The following CLDN10 variants were observed in gnomAD, a reference collection of about 807,000 sequenced individuals.
CLDN10 encodes claudin-10.
A neutral mutation model predicts 22.9 loss-of-function variants in CLDN10; 15 were observed. The ratio of observed to expected loss-of-function variants is 0.65; its 90% confidence interval spans 0.44 to 1.01. The LOEUF is 1.01. Ranked by LOEUF, CLDN10 falls within the 50% of genes least tolerant of loss-of-function variation. CLDN10 has a pLI of 0.00. For synonymous variants in CLDN10, 114 were observed against 111.4 expected (o/e 1.02, Z -0.15); for missense variants, 247 against 287.8 (o/e 0.86, Z 1.03).
At chr13:95,551,281 T>C (rs904211062), upstream of CLDN10, among the ~76,000 whole-genome samples, 2 of 152,194 alleles carry the variant, frequency 1.3e-5, no homozygotes, top group African/African-American at 4.8e-5. Flanking sequence ...TTTAAAGGGC[T>C]GTCAAAACAA....
chr13:95,448,921 T>C (rs972053366), intron 1 of CLDN10, among the ~76,000 whole-genome samples: 2 of 151,784 alleles, frequency 1.3e-5, no homozygotes. Flanking sequence ...GTATTTTTAC[T>C]ACAGATGGGG....
intron 1 of CLDN10, among the ~76,000 whole-genome samples, chr13:95,467,649 G>A (rs750185628): frequency 2.6e-5 from 4 of 152,044 alleles, no homozygotes; most frequent in Non-Finnish European, 4.4e-5. Context: ...TTTCTCCAGA[G>A]AAACAGAATC....
intron 1 of CLDN10, among the ~76,000 whole-genome samples, chr13:95,469,495 G>C (rs1382749377): frequency 6.6e-6 from 1 of 152,216 alleles, no homozygotes; most frequent in Non-Finnish European, 1.5e-5. Flanking sequence ...GAGGGTTACA[G>C]TGGTACTGAA....
At chr13:95,562,464 A>G (rs1413529826) in intron 3 of CLDN10, among the ~76,000 whole-genome samples, 3 of 152,300 alleles carry the variant, frequency 2.0e-5, no homozygotes, top group African/African-American at 7.2e-5. Flanking sequence ...AGACCTCAAT[A>G]TAACTTTTTT....
intron 1 of CLDN10, among the ~76,000 whole-genome samples, chr13:95,443,481 G>C (rs371185623): frequency 6.6e-6 from 1 of 152,302 alleles, no homozygotes; most frequent in Non-Finnish European, 1.5e-5. Context: ...CGTCGATCCC[G>C]AGAAGCGGGA....
chr13:95,464,333 T>C (rs1436545869), intron 1 of CLDN10, among the ~76,000 whole-genome samples: 1 of 152,104 alleles, frequency 6.6e-6, no homozygotes, highest in Non-Finnish European at 1.5e-5. Context: ...TTCCCACCTA[T>C]GAGTGAGAAC....
At chr13:95,523,993 T>G (rs2043249017) in intron 1 of CLDN10, among the ~76,000 whole-genome samples, 1 of 152,186 alleles carries the variant, frequency 6.6e-6, no homozygotes, top group African/African-American at 2.4e-5. Context: ...CTAATTTCAT[T>G]TAACATATTT....
chr13:95,449,339 T>A (rs1024551911), intron 1 of CLDN10, among the ~76,000 whole-genome samples: 4 of 150,766 alleles, frequency 2.7e-5, no homozygotes, highest in African/African-American at 9.8e-5. Context: ...GCAAACTTCA[T>A]CTCCCAGGTT....
At chr13:95,495,726 A>G (rs2042922059) in intron 1 of CLDN10, among the ~76,000 whole-genome samples, 1 of 138,218 alleles carries the variant, frequency 7.2e-6, no homozygotes, top group African/African-American at 2.6e-5. Context: ...CCTGGGCGAC[A>G]GAGCCAGACT....
chr13:95,557,836 T>A (rs1189799266), intron 1 of CLDN10, among the ~76,000 whole-genome samples: 1 of 152,182 alleles, frequency 6.6e-6, no homozygotes, highest in South Asian at 2.1e-4. Flanking sequence ...AAGACTACTG[T>A]TATTTTCCCT....
intron 1 of CLDN10, among the ~76,000 whole-genome samples, chr13:95,445,112 C>T (rs1335326911): frequency 6.6e-6 from 1 of 152,198 alleles, no homozygotes; most frequent in East Asian, 1.9e-4. Flanking sequence ...ATGTTATCTA[C>T]TTCAGAGGAT....
chr13:95,444,268 A>G (rs978525263), intron 1 of CLDN10, among the ~76,000 whole-genome samples: 4 of 152,218 alleles, frequency 2.6e-5, no homozygotes, highest in African/African-American at 9.6e-5. Flanking sequence ...TAGGTAATGT[A>G]CATTATAGAA....
intron 1 of CLDN10, among the ~76,000 whole-genome samples, chr13:95,558,635 A>G (rs940935085): frequency 6.6e-6 from 1 of 152,250 alleles, no homozygotes; most frequent in Non-Finnish European, 1.5e-5. Context: ...CCAAAGAAAC[A>G]CAGACTGGGG....
At chr13:95,486,987 C>T (rs2042811672) in intron 1 of CLDN10, among the ~76,000 whole-genome samples, 2 of 152,176 alleles carry the variant, frequency 1.3e-5, no homozygotes, top group Non-Finnish European at 2.9e-5. Flanking sequence ...TTGCTGTTGT[C>T]GCTGTGCTAT....
intron 1 of CLDN10, among the ~76,000 whole-genome samples, chr13:95,463,417 G>C (rs114400128): frequency 1.4e-5 from 2 of 138,990 alleles, no homozygotes; most frequent in Non-Finnish European, 3.1e-5. Flanking sequence ...ACTGTAGCCT[G>C]GGCCTCCTGG....
chr13:95,458,336 G>A (rs1374706461), intron 1 of CLDN10, among the ~76,000 whole-genome samples: 1 of 152,192 alleles, frequency 6.6e-6, no homozygotes, highest in Admixed American at 6.5e-5. Flanking sequence ...CCAGGCTGGA[G>A]TGCAGTGGTG....
intron 1 of CLDN10, among the ~76,000 whole-genome samples, chr13:95,524,094 C>CT (rs36014421): frequency 0.4 from 55,154 of 137,798 alleles, 12,785 homozygotes; most frequent in Non-Finnish European, 0.51. Context: ...CTTTGACTGG[C>CT]TTTTTTTTTT....
At chr13:95,506,628 G>A (rs751057862) in intron 1 of CLDN10, among the ~76,000 whole-genome samples, 7 of 152,248 alleles carry the variant, frequency 4.6e-5, no homozygotes, top group East Asian at 1.9e-4. Context: ...AGGTGGACCC[G>A]TTCCTGTCAG....
intron 1 of CLDN10, among the ~76,000 whole-genome samples, chr13:95,480,957 C>A (rs752552713): frequency 5.3e-5 from 8 of 152,160 alleles, no homozygotes; most frequent in Non-Finnish European, 1.0e-4. Flanking sequence ...AAGAGCTAAC[C>A]CCCAGCTGCC....
Sources: allele counts gnomAD v4.1 joint callset (sites outside exome capture counted in the v4.1 genomes callset), GRCh38; gene constraint gnomAD v4.1.1; transcripts MANE v1.5; gene names NCBI Gene and HGNC (gene_info 2026-07-23, HGNC 2026-07-21).